CSNK1G2: variants seen among roughly 807,000 people sequenced by gnomAD.
The protein encoded by CSNK1G2 is casein kinase I isoform gamma-2.
CSNK1G2 carries 11 observed loss-of-function variants against 48.0 expected under a neutral mutation model. The ratio of observed to expected loss-of-function variants is 0.23; its 90% CI spans 0.14 to 0.38. The LOEUF (loss-of-function observed/expected upper bound fraction) is 0.38. Among genes scored for constraint, CSNK1G2 ranks in the 10% least tolerant of loss-of-function variants. The pLI, the probability that CSNK1G2 is intolerant of heterozygous loss-of-function variation, is 1.00. For missense variants in CSNK1G2, 446 were observed against 595.5 expected (o/e 0.75, Z 2.61); for synonymous variants, 337 against 254.1 (o/e 1.33, Z -3.10).
chr19:1,980,561 C>CTT lies in CSNK1G2; in HGVS notation c.*358_*359insTT. The CTT allele has an allele frequency of 3.2e-6, 1 of 308,952 alleles. No individual in the cohort carries two copies. The highest frequency in any genetic ancestry group is 3.3e-5 in the South Asian group (1 of 30,476). The allele number at this position is 308,952 out of a possible 1,614,324, so 19.1% of individuals were successfully genotyped here. On this transcript the variant is annotated 3_prime_UTR_variant, in exon 12 of 12. Transcript: ENST00000255641. ...TAGTGTGATCCTGGAGGCCCCCCGG[C>CTT]CTGGCCCCGCCCCGCCAGCCGCCCC...
chr19:1,952,835 C>T (rs373554362), intron 1 of CSNK1G2: 9 of 343,454 alleles, frequency 2.6e-5, no homozygotes, highest in South Asian at 4.7e-5. Context: ...GGAGTTAGGC[C>T]GAACCCTGCT....
intron 1 of CSNK1G2, among the ~76,000 whole-genome samples, chr19:1,946,813 G>T (rs2014581791): frequency 6.6e-6 from 1 of 151,524 alleles, no homozygotes; most frequent in East Asian, 1.9e-4. Context: ...GGGTTTCACT[G>T]TGTTAGCCAG....
intron 1 of CSNK1G2, chr19:1,953,260 CT>C: frequency 5.0e-6 from 2 of 401,234 alleles, no homozygotes; most frequent in South Asian, 3.7e-5. Context: ...CCCTGCCCCC[CT>C]GGCAAGACCA....
rs1423722926 is a variant in CSNK1G2, at chr19:1,978,292, T to G, written c.188-13T>G. On this transcript the variant is annotated splice_polypyrimidine_tract_variant and intron_variant, in intron 2 of 11. Coordinates refer to ENST00000255641, the MANE Select transcript of CSNK1G2 (RefSeq NM_001319.7). The surrounding 1 kb of genome is among the most constrained non-coding windows in gnomAD (Gnocchi z 7.3). ...CCCTGCGCTGGCGGTGCTGATGGTCTCTGTCCCCGCAGGAAAGAATCTCTA... is the reference window on the plus strand; with the variant it reads ...CCCTGCGCTGGCGGTGCTGATGGTCGCTGTCCCCGCAGGAAAGAATCTCTA... 1.2e-6 allele frequency: 2 copies of G among 1,613,316 alleles called. No homozygotes were observed. The highest frequency in any genetic ancestry group is 1.7e-6 in the Non-Finnish European group (2 of 1,179,818).
At chr19:1,950,220 A>T (rs2014713437) in intron 1 of CSNK1G2, among the ~76,000 whole-genome samples, 1 of 151,990 alleles carries the variant, frequency 6.6e-6, no homozygotes. Flanking sequence ...GCTCACTGCA[A>T]GCTCTGCCTC....
intron 1 of CSNK1G2, among the ~76,000 whole-genome samples, chr19:1,947,125 G>A (rs1034329602): frequency 2.0e-5 from 3 of 152,172 alleles, no homozygotes; most frequent in African/African-American, 7.2e-5. Context: ...TCGTTGATGC[G>A]TAATTGCCTT....
intron 1 of CSNK1G2, among the ~76,000 whole-genome samples, chr19:1,964,725 G>GT (rs59490311): frequency 0.34 from 51,279 of 150,046 alleles, 9,004 homozygotes; most frequent in East Asian, 0.5. Flanking sequence ...AAAAGTTTTT[G>GT]TTTTTTTGTT....
rs12971950 is a variant in CSNK1G2 at position 1,959,834 on chromosome 19, A to G, written c.-265-9674A>G. Among the ~76,000 whole-genome samples the G allele has an allele frequency of 5.8e-4, 55 of 94,590 alleles. 2 individuals carry two copies. Among genetic ancestry groups the G allele is most frequent in the Non-Finnish European group, 7.6e-4 (39 of 51,452 alleles). The allele number at this position is 94,590 out of a possible 152,430, so 62.1% of individuals were successfully genotyped here. On this transcript the variant is annotated intron_variant, in intron 1 of 11. Coordinates refer to ENST00000255641, the MANE Select transcript of CSNK1G2 (RefSeq NM_001319.7). ...CCGCCCCACCTTTAGTACCACCCTGAGTCCCCCAGCACCTGTGCCACCTTT... is the reference window on the plus strand; with the variant it reads ...CCGCCCCACCTTTAGTACCACCCTGGGTCCCCCAGCACCTGTGCCACCTTT...
chr19:1,949,902 A>C (rs1299064611), intron 1 of CSNK1G2, among the ~76,000 whole-genome samples: 1 of 152,164 alleles, frequency 6.6e-6, no homozygotes, highest in African/African-American at 2.4e-5. Flanking sequence ...CGGTGTCCCC[A>C]CTGCCTTGTC....
intron 1 of CSNK1G2, chr19:1,954,131 A>G (rs753116547): frequency 1.6e-4 from 55 of 338,046 alleles, no homozygotes; most frequent in Non-Finnish European, 2.7e-4. Flanking sequence ...CTGATGCGTT[A>G]AACCCATTAC....
intron 2 of CSNK1G2, chr19:1,975,146 C>G: frequency 2.0e-6 from 2 of 985,484 alleles, no homozygotes; most frequent in Non-Finnish European, 2.4e-6. Context: ...CCATCACCAT[C>G]AGATGCATCA....
At chr19:1,945,447 C>T (rs572526335) in intron 1 of CSNK1G2, among the ~76,000 whole-genome samples, 2 of 152,370 alleles carry the variant, frequency 1.3e-5, no homozygotes, top group South Asian at 4.1e-4. Flanking sequence ...CTCCTGTCAC[C>T]CTCAGGCGTG....
chr19:1,978,309 G>A lies in CSNK1G2; in HGVS notation c.192G>A (p.Lys64=). The change falls in exon 3 of 12, where the codon AAG becomes AAA. Residue 64 remains lysine (K), a synonymous_variant. Coordinates refer to ENST00000255641, the MANE Select transcript of CSNK1G2 (RefSeq NM_001319.7). The surrounding 1 kb of genome is among the most constrained non-coding windows in gnomAD (Gnocchi z 7.3). ...TGATGGTCTCTGTCCCCGCAGGAAA[G>A]AATCTCTATACAAATGAATACGTGG... is the stretch of plus-strand genomic sequence containing the variant. ...CGNFGELRLG[K]NLYTNEYVAI... is the part of the protein sequence containing the mutation. 6.2e-7 allele frequency: 1 copy of A among 1,613,614 alleles called. No homozygotes were observed. Among genetic ancestry groups the A allele is most frequent in the Non-Finnish European group, 8.5e-7 (1 of 1,179,888 alleles).
chr19:1,947,141 G>T (rs2014593662), intron 1 of CSNK1G2, among the ~76,000 whole-genome samples: 1 of 152,182 alleles, frequency 6.6e-6, no homozygotes, highest in Non-Finnish European at 1.5e-5. Flanking sequence ...GCCTTTGGAG[G>T]CTTGAAAAAA....
intron 1 of CSNK1G2, among the ~76,000 whole-genome samples, chr19:1,969,303 G>A (rs370663921): frequency 2.9e-5 from 4 of 135,814 alleles, no homozygotes; most frequent in East Asian, 2.5e-4. Context: ...AGGCAGCCAC[G>A]CCGAGATCTC....
chr19:1,966,466 A>C (rs2015368745), intron 1 of CSNK1G2, among the ~76,000 whole-genome samples: 1 of 152,188 alleles, frequency 6.6e-6, no homozygotes, highest in African/African-American at 2.4e-5. Flanking sequence ...TTGCCTCTGA[A>C]GGGTGAGCAG....
intron 1 of CSNK1G2, among the ~76,000 whole-genome samples, chr19:1,948,091 G>A (rs1259706815): frequency 6.6e-6 from 1 of 152,148 alleles, no homozygotes; most frequent in South Asian, 2.1e-4. Context: ...GTGTGGCTTC[G>A]GGGGGCGGCC....
chr19:1,950,541 T>A (rs1172591521), intron 1 of CSNK1G2, among the ~76,000 whole-genome samples: 1 of 146,724 alleles, frequency 6.8e-6, no homozygotes, highest in Non-Finnish European at 1.5e-5. Context: ...AACCTCAGAT[T>A]CCAGGAGATG....
intron 2 of CSNK1G2, chr19:1,975,398 C>T (rs2015718475): frequency 2.0e-6 from 2 of 985,366 alleles, no homozygotes; most frequent in Non-Finnish European, 2.4e-6. Flanking sequence ...GGACGGCTGC[C>T]CGCAGGAAGA....
Sources: gnomAD v4.1 joint callset for allele counts (sites outside exome capture counted in the v4.1 genomes callset) on GRCh38, gnomAD v4.1.1 for gene constraint, Gnocchi (gnomAD v3.1) non-coding constraint, MANE v1.5 for transcripts, NCBI Gene and HGNC (gene_info 2026-07-23, HGNC 2026-07-21) for gene names.